KTN1: variants seen among roughly 807,000 people sequenced by gnomAD.
KTN1 encodes kinectin.
A neutral mutation model predicts 222.5 loss-of-function variants in KTN1; 130 were observed. The ratio of observed to expected loss-of-function variants is 0.58; its 90% CI spans 0.51 to 0.68. KTN1 has a LOEUF of 0.68. KTN1 is among the 30% of genes least tolerant of loss of function. KTN1 has a pLI of 0.00. For missense variants in KTN1, 1,508 were observed against 1,500.4 expected, an observed-to-expected ratio of 1.01 and a Z score of -0.08; for synonymous variants, 512 against 496.3, an observed-to-expected ratio of 1.03 and a Z score of -0.42.
rs147644218 is a variant in KTN1, at chr14:55,597,944, G to C, written c.-30-14075G>C. On this transcript the variant is annotated intron_variant, in intron 1 of 43. Coordinates refer to ENST00000395314, the MANE Select transcript of KTN1 (RefSeq NM_001079521.2). ...GTAAGGTTTAGAAAAAAAAATTCAG[G>C]CTTTCACCATTTAATTGGTGTACTT... Among the ~76,000 whole-genome samples, 48 of 152,202 alleles carry C rather than the reference G, an allele frequency of 3.2e-4. 1 individual carries two copies. The highest frequency in any genetic ancestry group is 3.4e-3 in the Middle Eastern group (1 of 290).
intron 29 of KTN1, among the ~76,000 whole-genome samples, chr14:55,657,394 G>C (rs1204832765): frequency 8.2e-6 from 1 of 121,568 alleles, no homozygotes; most frequent in Non-Finnish European, 1.8e-5. Flanking sequence ...CCACTGAGTT[G>C]ACGTTTTTTT....
chr14:55,675,776 C>G (rs2045840567), intron 40 of KTN1, 59 bp from the exon 41 acceptor site: 2 of 1,115,576 alleles, frequency 1.8e-6, no homozygotes, highest in Admixed American at 1.7e-5. Context: ...CTAGAGGTAT[C>G]AGCATAATCA....
chr14:55,618,990 C>G (rs753698454), intron 4 of KTN1, among the ~76,000 whole-genome samples, 192 bp from the exon 5 acceptor site: 3 of 151,936 alleles, frequency 2.0e-5, no homozygotes, highest in Non-Finnish European at 4.4e-5. Context: ...GTAATTATTC[C>G]GTATTATAGA....
chr14:55,591,581 C>CT (rs71131297), intron 1 of KTN1, among the ~76,000 whole-genome samples: 1,818 of 87,400 alleles, frequency 0.021, 13 homozygotes, highest in East Asian at 0.052. Context: ...TTCTCTCTTT[C>CT]TTTTTTTTTT....
intron 25 of KTN1, 93 bp downstream of exon 25, chr14:55,652,020 G>T (rs934240219): frequency 7.3e-6 from 6 of 824,674 alleles, no homozygotes; most frequent in Non-Finnish European, 9.6e-6. Flanking sequence ...ATTTCAAGTG[G>T]TGTTTTAGAA....
At chr14:55,603,685 GA>G in intron 1 of KTN1, among the ~76,000 whole-genome samples, 1 of 152,272 alleles carries the variant, frequency 6.6e-6, no homozygotes, top group East Asian at 1.9e-4. Context: ...TCCATTTGCT[GA>G]ATACTTCCAA....
intron 1 of KTN1, among the ~76,000 whole-genome samples, chr14:55,611,092 A>G (rs1265571784): frequency 2.6e-5 from 4 of 151,922 alleles, no homozygotes; most frequent in South Asian, 2.1e-4. Context: ...TTATTTCACT[A>G]TTTTATTTTT....
rs148417856 is a variant in KTN1 at position 55,675,932 on chromosome 14, G to A, written c.3855+14G>A. ...GATTTGCATAAGGTAGGCACTGTTC[G>A]TCCTAGAGATGTAGTATCATGAGCC... On this transcript the variant is annotated intron_variant, in intron 41 of 43. Coordinates refer to ENST00000395314, the MANE Select transcript of KTN1 (RefSeq NM_001079521.2). 1,236 of 1,578,040 alleles carry A rather than the reference G, an allele frequency of 7.8e-4. 5 individuals carry two copies. In the African/African-American group the frequency reaches 8.1e-3, roughly 10 times the overall value.
intron 29 of KTN1, 34 bp from the exon 30 acceptor site, chr14:55,658,512 T>C: frequency 8.1e-7 from 1 of 1,230,098 alleles, no homozygotes; most frequent in Non-Finnish European, 1.2e-6. Context: ...AAAAAATCTG[T>C]TTAGATACTG....
At chr14:55,674,456 G>C (rs570759384) in intron 40 of KTN1, 6 of 152,080 alleles carry the variant, frequency 3.9e-5, no homozygotes, top group Non-Finnish European at 7.4e-5. Context: ...TACACACACA[G>C]AGCCCTACAC....
chr14:55,653,194 A>G, intron 27 of KTN1, 109 bp downstream of exon 27: 9 of 772,966 alleles, frequency 1.2e-5, no homozygotes, highest in Non-Finnish European at 1.5e-5. Context: ...TGCCAGAAAA[A>G]TTATGTTGTA....
chr14:55,599,802 G>T (rs919672116), intron 1 of KTN1, among the ~76,000 whole-genome samples: 3 of 152,118 alleles, frequency 2.0e-5, no homozygotes, highest in African/African-American at 7.2e-5. Context: ...AGAATTTAAG[G>T]TTGTACAATC....
intron 7 of KTN1, among the ~76,000 whole-genome samples, chr14:55,631,298 C>G (rs2040477371): frequency 7.0e-6 from 1 of 142,426 alleles, no homozygotes; most frequent in Non-Finnish European, 1.5e-5. Flanking sequence ...CTGTCATTAC[C>G]TCAGATTTAA....
chr14:55,612,016 T>A lies in KTN1; in HGVS notation c.-30-3T>A. The A allele has an allele frequency of 1.6e-6, 2 of 1,253,324 alleles. No homozygotes were observed. Among genetic ancestry groups the A allele is most frequent in the Non-Finnish European group, 1.1e-6 (1 of 951,008 alleles). 77.6% of individuals were successfully genotyped at this position (1,253,324 alleles called of 1,614,324 possible). A position where few individuals can be genotyped will look rare whatever the true frequency, so the allele number is the denominator to read the frequency against. On this transcript the variant is annotated splice_polypyrimidine_tract_variant and splice_region_variant and intron_variant, in intron 1 of 43. Coordinates refer to ENST00000395314, the MANE Select transcript of KTN1 (RefSeq NM_001079521.2). ...TTTTGTCCCCACCTTCTTCCCTATT[T>A]AGGTTTTATAGGATCACATTGACAA...
intron 18 of KTN1, among the ~76,000 whole-genome samples, chr14:55,646,503 T>C (rs2042358790): frequency 8.4e-6 from 1 of 119,360 alleles, no homozygotes; most frequent in African/African-American, 3.2e-5. Context: ...TCCTTTCCTT[T>C]CCTTTCCTTT....
intron 31 of KTN1, among the ~76,000 whole-genome samples, chr14:55,660,690 GCA>G (rs2044039006): frequency 6.6e-6 from 1 of 152,080 alleles, no homozygotes; most frequent in South Asian, 2.1e-4. Context: ...GAAAAGGTTG[GCA>G]AATATTTTCT....
intron 25 of KTN1, among the ~76,000 whole-genome samples, chr14:55,652,328 G>A (rs559013092): frequency 2.0e-5 from 3 of 150,546 alleles, no homozygotes; most frequent in Non-Finnish European, 4.4e-5. Flanking sequence ...GATATTCAGT[G>A]ATAGAATGGT....
At position 55,625,259 on chromosome 14, in the gene KTN1, G is replaced by A. The variant is rs375314603; in HGVS notation, c.964-2653G>A. ...TAGTGCATGTTAGGTGCTATAAATAGCATATAATAACTGCTGAAAAGTGTA... is the reference window on the plus strand; with the variant it reads ...TAGTGCATGTTAGGTGCTATAAATAACATATAATAACTGCTGAAAAGTGTA... On this transcript the variant is annotated intron_variant, in intron 5 of 43. Coordinates refer to ENST00000395314, the MANE Select transcript of KTN1 (RefSeq NM_001079521.2). Among the ~76,000 whole-genome samples, 42 of 146,244 alleles carry A rather than the reference G, an allele frequency of 2.9e-4. 1 individual carries two copies. The highest frequency in any genetic ancestry group is 1.0e-3 in the African/African-American group (42 of 40,264).
chr14:55,673,840 A>G (rs570473350), intron 40 of KTN1: 1 of 152,262 alleles, frequency 6.6e-6, no homozygotes, highest in African/African-American at 2.4e-5. Context: ...ATGTCTTAAA[A>G]CATATAATAC....
Sources: gnomAD v4.1 joint callset for allele counts (sites outside exome capture counted in the v4.1 genomes callset) on GRCh38, gnomAD v4.1.1 for gene constraint, MANE v1.5 for transcripts, NCBI Gene and HGNC (gene_info 2026-07-23, HGNC 2026-07-21) for gene names.